The following RRP15 variants were observed in gnomAD, a reference collection of about 807,000 sequenced individuals.
RRP15 encodes the protein ribosomal RNA processing 15 homolog.
Under a neutral mutation model 27.1 loss-of-function variants are expected in RRP15, and 18 were observed. The observed-to-expected ratio is 0.66, with a 90% CI of 0.46 to 0.98. The LOEUF (loss-of-function observed/expected upper bound fraction) is 0.98. RRP15 is among the 50% of genes least tolerant of loss of function. The pLI, the probability that RRP15 is intolerant of heterozygous loss-of-function variation, is 0.00. For synonymous variants in RRP15, 107 were observed against 109.4 expected (o/e 0.98, Z 0.14); for missense variants, 359 against 337.8 (o/e 1.06, Z -0.49).
intron 4 of RRP15, among the ~76,000 whole-genome samples, chr1:218,325,006 G>A (rs1207024760): frequency 6.6e-6 from 1 of 152,000 alleles, no homozygotes; most frequent in African/African-American, 2.4e-5. Context: ...CTTCACTCTT[G>A]TCATCTGGGA....
intron 4 of RRP15, among the ~76,000 whole-genome samples, chr1:218,316,604 A>T (rs897082988): frequency 6.6e-6 from 1 of 152,192 alleles, no homozygotes; most frequent in South Asian, 2.1e-4. Flanking sequence ...TGTTATATAT[A>T]GTAGTAATAA....
intron 1 of RRP15, chr1:218,301,460 C>G (rs1655810025): frequency 6.6e-6 from 1 of 152,318 alleles, no homozygotes; most frequent in African/African-American, 2.4e-5. Flanking sequence ...AGCTGCTCAG[C>G]AAGTTGATTT....
chr1:218,314,001 T>C lies in RRP15; in HGVS notation c.705+6369T>C, dbSNP rs181792088. Among the ~76,000 whole-genome samples, 327 of 151,642 alleles carry C rather than the reference T, an allele frequency of 2.2e-3. 2 individuals carry two copies. The highest frequency in any genetic ancestry group is 6.8e-3 in the Middle Eastern group (2 of 294). The stretch of plus-strand genomic sequence containing the variant: ...TATTTTATTTTATTTTATTTTATTT[T>C]ATTTTATTTTATGTTTTGTTATTTT... On this transcript the variant is annotated intron_variant, in intron 4 of 4. Coordinates refer to ENST00000366932, the MANE Select transcript of RRP15 (RefSeq NM_016052.4).
intron 1 of RRP15, 97 bp from the exon 2 acceptor site, chr1:218,302,197 T>C: frequency 2.3e-6 from 2 of 868,088 alleles, no homozygotes; most frequent in Admixed American, 4.6e-5. Context: ...CTTGCAAAAA[T>C]GGGGACAGGC....
rs186236116 is a variant in RRP15 at position 218,331,223 on chromosome 1, C to G, written c.*132C>G. 1.8e-3 allele frequency: 1,315 copies of G among 714,174 alleles called. 19 individuals carry two copies. The African/African-American group carries it at 0.021, about 12-fold the overall frequency. The allele number at this position is 714,174 out of a possible 1,614,324, so 44.2% of individuals were successfully genotyped here. A position where few individuals can be genotyped will look rare whatever the true frequency, so the allele number is the denominator to read the frequency against. ...GACTTTTGCCAGATTTCATATTTCC[C>G]CTTTTCATGTACACTTTATATATAC... On this transcript the variant is annotated 3_prime_UTR_variant, in exon 5 of 5. Transcript: ENST00000366932.
At chr1:218,290,206 G>A (rs1280213424) in intron 1 of RRP15, among the ~76,000 whole-genome samples, 1 of 152,074 alleles carries the variant, frequency 6.6e-6, no homozygotes, top group East Asian at 1.9e-4. Flanking sequence ...CACATTGTTG[G>A]ACATCATGGT....
At chr1:218,299,064 T>G (rs1211288054) in intron 1 of RRP15, among the ~76,000 whole-genome samples, 2 of 152,192 alleles carry the variant, frequency 1.3e-5, no homozygotes, top group East Asian at 1.9e-4. Flanking sequence ...AAACCTCATT[T>G]GATTAGGATA....
intron 1 of RRP15, among the ~76,000 whole-genome samples, chr1:218,287,344 G>A (rs1448256285): frequency 2.6e-5 from 4 of 152,050 alleles, no homozygotes; most frequent in East Asian, 3.9e-4. Flanking sequence ...ACTTTTCAGC[G>A]TATTATTATA....
Position 218,331,226 on chromosome 1 carries a change from T to C in RRP15, c.*135T>C. The C allele has an allele frequency of 1.4e-6, 1 of 692,344 alleles. No homozygotes were observed. Among genetic ancestry groups the C allele is most frequent in the Non-Finnish European group, 2.3e-6 (1 of 429,290 alleles). 42.9% of individuals were successfully genotyped at this position (692,344 alleles called of 1,614,324 possible). On this transcript the variant is annotated 3_prime_UTR_variant, in exon 5 of 5. Transcript: ENST00000366932. ...TTTTGCCAGATTTCATATTTCCCCT[T>C]TTCATGTACACTTTATATATACTTC...
At chr1:218,308,074 T>TC (rs1446590092) in intron 4 of RRP15, among the ~76,000 whole-genome samples, 1 of 130,062 alleles carries the variant, frequency 7.7e-6, no homozygotes, top group Non-Finnish European at 1.6e-5. Flanking sequence ...TTTTTTTTTT[T>TC]TTTTTTTTTT....
rs79621726 is a variant in RRP15, at chr1:218,294,500, A to G, written c.140-7794A>G. ...GGGAGACACTTAAGTTTATGGGTTT[A>G]TTATAAAGCATATTACAGAGGATAC... On this transcript the variant is annotated intron_variant, in intron 1 of 4. Coordinates refer to ENST00000366932, the MANE Select transcript of RRP15 (RefSeq NM_016052.4). Among the ~76,000 whole-genome samples the G allele has an allele frequency of 4.8e-3, 736 of 152,294 alleles. 5 individuals carry two copies. The highest frequency in any genetic ancestry group is 0.016 in the African/African-American group (665 of 41,556).
In RRP15 at chr1:218,336,268, A is replaced by G. The variant is rs993176116; in HGVS notation, c.*5177A>G. 2.0e-5 allele frequency: 3 copies of G among 152,606 alleles called. No homozygotes were observed. The highest frequency in any genetic ancestry group is 7.2e-5 in the African/African-American group (3 of 41,412). The allele number at this position is 152,606 out of a possible 1,614,324, so 9.5% of individuals were successfully genotyped here. A position where few individuals can be genotyped will look rare whatever the true frequency, so the allele number is the denominator to read the frequency against. On this transcript the variant is annotated 3_prime_UTR_variant, in exon 5 of 5. Transcript: ENST00000366932. ...AGGCAAAACACACACACACACACAC[A>G]CAAAACCCTGAAGAGCACAATGAGC...
At chr1:218,302,258 T>A in intron 1 of RRP15, 36 bp from the exon 2 acceptor site, 1 of 1,557,640 alleles carries the variant, frequency 6.4e-7, no homozygotes, top group Non-Finnish European at 8.8e-7. Flanking sequence ...CCTAGGATAT[T>A]AAAGTTTAAT....
chr1:218,302,622 G>A (rs1266192162), intron 2 of RRP15, 63 bp downstream of exon 2: 20 of 1,551,748 alleles, frequency 1.3e-5, no homozygotes, highest in Admixed American at 6.0e-5. Context: ...TATCTTGACC[G>A]AACTGTTTCT....
rs1284229722 is a variant in RRP15 at position 218,335,459 on chromosome 1, A to G, written c.*4368A>G. ...TTTATATTAAAATTATAGGGACTAA[A>G]AGTCTAAATCATTGCTGTCAATAGG... On this transcript the variant is annotated 3_prime_UTR_variant, in exon 5 of 5. Transcript: ENST00000366932. 1 of 152,204 alleles carries G rather than the reference A, an allele frequency of 6.6e-6. No homozygotes were observed. Among genetic ancestry groups the G allele is most frequent in the East Asian group, 1.9e-4 (1 of 5,198 alleles). 9.4% of individuals were successfully genotyped at this position (152,204 alleles called of 1,614,324 possible).
intron 4 of RRP15, among the ~76,000 whole-genome samples, chr1:218,310,770 A>G (rs1238268270): frequency 6.6e-6 from 1 of 151,230 alleles, no homozygotes. Context: ...TTTTTTTGAG[A>G]CAAAGTCTTG....
At chr1:218,308,556 A>G (rs1655939311) in intron 4 of RRP15, among the ~76,000 whole-genome samples, 1 of 152,140 alleles carries the variant, frequency 6.6e-6, no homozygotes, top group African/African-American at 2.4e-5. Context: ...TCTGTCATAA[A>G]TTTTTTTGTT....
intron 4 of RRP15, among the ~76,000 whole-genome samples, chr1:218,329,089 T>C (rs1026248739): frequency 6.6e-6 from 1 of 151,916 alleles, no homozygotes; most frequent in African/African-American, 2.4e-5. Context: ...ACTGTGAACA[T>C]CAGTTTTTTA....
chr1:218,320,064 TTTA>T (rs1471466360), intron 4 of RRP15, among the ~76,000 whole-genome samples: 3 of 151,598 alleles, frequency 2.0e-5, no homozygotes, highest in African/African-American at 7.3e-5. Context: ...TTTCTTTTAT[TTTA>T]TTATTATTAT....
Sources: gnomAD v4.1 joint callset for allele counts (sites outside exome capture counted in the v4.1 genomes callset) on GRCh38, gnomAD v4.1.1 for gene constraint, MANE v1.5 for transcripts, NCBI Gene and HGNC (gene_info 2026-07-23, HGNC 2026-07-21) for gene names.